IZUMO4: variants seen among roughly 807,000 people sequenced by gnomAD.
IZUMO4 encodes IZUMO family member 4, also known as izumo sperm-egg fusion protein 4.
A neutral mutation model predicts 37.1 loss-of-function variants in IZUMO4; 51 were observed. That is an observed-to-expected ratio of 1.38 (90% CI 1.10 to 1.74). The LOEUF (loss-of-function observed/expected upper bound fraction) is 1.74, where lower values mean the gene tolerates loss of function less well. Ranked by LOEUF, IZUMO4 falls within the 40% of genes most tolerant of loss-of-function variation. The pLI is 0.00. For synonymous variants in IZUMO4, 162 were observed against 121.4 expected (o/e 1.33, Z -2.20); for missense variants, 364 against 299.6 (o/e 1.21, Z -1.59).
At position 2,099,425 on chromosome 19, in the gene IZUMO4, C is replaced by T. The variant is rs1253978555; in HGVS notation, c.*80C>T. 1 of 910,126 alleles carries T rather than the reference C, an allele frequency of 1.1e-6. No individual in the cohort carries two copies. The highest frequency in any genetic ancestry group is 1.6e-6 in the Non-Finnish European group (1 of 611,042). The allele number at this position is 910,126 out of a possible 1,614,324, so 56.4% of individuals were successfully genotyped here. A position where few individuals can be genotyped will look rare whatever the true frequency, so the allele number is the denominator to read the frequency against. On this transcript the variant is annotated 3_prime_UTR_variant, in exon 10 of 10. Transcript: ENST00000395301. The stretch of plus-strand genomic sequence containing the variant: ...CCCTGCCTGTCACTCTGGAGCTGGG[C>T]TGCTGCTGCCTCAGGACCCCCTCTC...
rs781245478 is a variant in IZUMO4, at chr19:2,098,787, A to G, written c.537A>G (p.Lys179=). ...CTGACTGCCCCACATTGCCTTTCAG[A>G]CAGGACACGAGCATGAGGTAAGGCC... The part of the protein sequence containing the change: ...GLLNYINNWH[K]QDTSMRPRSS... The change falls in exon 8 of 10, where the codon AAA becomes AAG. Residue 179 remains lysine, a splice_region_variant and synonymous_variant. Transcript: ENST00000395301. The G allele has an allele frequency of 8.1e-6, 13 of 1,601,534 alleles. No individual in the cohort carries two copies. The highest frequency in any genetic ancestry group is 2.2e-5 in the South Asian group (2 of 89,916).
chr19:2,098,495 G>A (rs763429174), intron 7 of IZUMO4, 45 bp downstream of exon 7: 3 of 1,613,108 alleles, frequency 1.9e-6, no homozygotes, highest in Non-Finnish European at 2.5e-6. Context: ...GTGTATGTGA[G>A]CACCTCGTGG....
chr19:2,099,008 C>G lies in IZUMO4; in HGVS notation c.587C>G (p.Thr196Arg). 1 of 1,613,070 alleles carries G rather than the reference C, an allele frequency of 6.2e-7. No homozygotes were observed. Among genetic ancestry groups the G allele is most frequent in the Non-Finnish European group, 8.5e-7 (1 of 1,179,932 alleles). The change falls in exon 9 of 10, where the codon ACA (threonine) becomes AGA (arginine). Residue 196 changes from threonine (T) to arginine (R), a missense_variant. Physicochemically the swap from Thr to Arg is moderately conservative, Grantham distance 71. Transcript: ENST00000395301. ...PRSSAFSWPG[T>R]HRATPAFLVS... The stretch of plus-strand genomic sequence containing the variant: ...TCCTCTGCCTTCTCCTGGCCTGGGA[C>G]ACACAGAGCCACCCCGGCCTTGTGA...
chr19:2,098,427 T>C lies in IZUMO4; in HGVS notation c.522-9T>C. Reference sequence around the variant, plus strand: ...CGGCCTCCTGAGTCCAAACCCACTGTCTTTGTAGAAATAACTGGCACAAGT... The same window carrying C: ...CGGCCTCCTGAGTCCAAACCCACTGCCTTTGTAGAAATAACTGGCACAAGT... On this transcript the variant is annotated splice_polypyrimidine_tract_variant and intron_variant, in intron 6 of 9. Transcript: ENST00000395301. 1 of 1,613,924 alleles carries C rather than the reference T, an allele frequency of 6.2e-7. No individual in the cohort carries two copies. The highest frequency in any genetic ancestry group is 8.5e-7 in the Non-Finnish European group (1 of 1,180,010).
In IZUMO4 at chr19:2,099,381, GGA is replaced by G; in HGVS notation, c.*39_*40del. 6.8e-7 allele frequency: 1 copy of G among 1,460,388 alleles called. No homozygotes were observed. The allele number at this position is 1,460,388 out of a possible 1,614,324, so 90.5% of individuals were successfully genotyped here. On this transcript the variant is annotated 3_prime_UTR_variant, in exon 10 of 10. Coordinates refer to ENST00000395301, the MANE Select transcript of IZUMO4 (RefSeq NM_001039846.2). ...GCCTGCCCCAGGGCAACGTGGGGGC[GGA>G]GACTCAGCTGGACAGCCCCTGCCTG...
intron 6 of IZUMO4, 51 bp downstream of exon 6, chr19:2,098,385 C>T: frequency 6.2e-7 from 1 of 1,613,980 alleles, no homozygotes; most frequent in South Asian, 1.1e-5. Context: ...TGGGAGGGAA[C>T]ACTGGCCACG....
rs576043581 is a variant in IZUMO4 at position 2,098,862 on chromosome 19, G to A, written c.554+58G>A. On this transcript the variant is annotated intron_variant, in intron 8 of 9. Coordinates refer to ENST00000395301, the MANE Select transcript of IZUMO4 (RefSeq NM_001039846.2). ...GGGGGTAAAGGGAGAGAGGAGGGGG[G>A]CTAGGGGGTCCTCTAGATCAGTGGG... The A allele has an allele frequency of 4.3e-4, 654 of 1,526,034 alleles. 15 individuals carry two copies. In the South Asian group the frequency reaches 6.3e-3, roughly 15 times the overall value. 94.5% of individuals were successfully genotyped at this position (1,526,034 alleles called of 1,614,324 possible).
At position 2,096,926 on chromosome 19, in the gene IZUMO4, G is replaced by A; in HGVS notation, c.-20G>A. ...GCGCGAGCAGCGTCGTTGGTTGGCC[G>A]GCGGCGGGCCGGGACGGGCATGGCC... On this transcript the variant is annotated 5_prime_UTR_variant, in exon 1 of 10. Coordinates refer to ENST00000395301, the MANE Select transcript of IZUMO4 (RefSeq NM_001039846.2). The A allele has an allele frequency of 6.3e-7, 1 of 1,597,906 alleles. No homozygotes were observed. Among genetic ancestry groups the A allele is most frequent in the Non-Finnish European group, 8.5e-7 (1 of 1,176,144 alleles).
At position 2,097,939 on chromosome 19, in the gene IZUMO4, C is replaced by A; in HGVS notation, c.381C>A (p.Asp127Glu). 6.2e-7 allele frequency: 1 copy of A among 1,613,144 alleles called. No individual in the cohort carries two copies. Among genetic ancestry groups the A allele is most frequent in the Middle Eastern group, 1.7e-4 (1 of 6,060 alleles). Residue 127 changes from aspartate (D) to glutamate (E), a missense_variant, in exon 4 of 10, where the codon GAC becomes GAA. Physicochemically the swap from Asp to Glu is conservative, Grantham distance 45. Coordinates refer to ENST00000395301, the MANE Select transcript of IZUMO4 (RefSeq NM_001039846.2). ...IQNAIIESRI[D>E]CQHRCGIFQY... ...CCTGCCCTCCCACAGGCCGCATCGA[C>A]TGTCAGCACCGCTGTGGTAAGCAAG...
intron 5 of IZUMO4, 35 bp downstream of exon 5, chr19:2,098,162 G>A: frequency 1.2e-6 from 2 of 1,612,444 alleles, no homozygotes; most frequent in African/African-American, 1.3e-5. Context: ...CCGTGCCAGG[G>A]CCCTACTGTC....
At chr19:2,099,198 G>T in intron 9 of IZUMO4, 57 bp from the exon 10 acceptor site, 1 of 1,514,354 alleles carries the variant, frequency 6.6e-7, no homozygotes, top group Non-Finnish European at 9.2e-7. Flanking sequence ...GGGCCCCCAG[G>T]GAGGGAGGCA....
In IZUMO4 at chr19:2,098,307, C is replaced by G. The variant is rs911756205; in HGVS notation, c.494C>G (p.Ser165Ter). The change falls in exon 6 of 10, where the codon TCA (serine) becomes TGA (stop). Residue 165 changes from serine to a stop codon, truncating the protein, a stop_gained. Transcript: ENST00000395301. LOFTEE classifies it high-confidence loss of function. ...CACAGGTCCTCGGCGCAGTGGAAGT[C>G]AGCTGTCCAGGGCCTCCTGAACTAC... is the stretch of plus-strand genomic sequence containing the variant. ...YNCESSAQWKSAVQGLLNYIN... is the reference protein window; with the variant it reads ...YNCESSAQWK 1.2e-6 allele frequency: 2 copies of G among 1,613,816 alleles called. No homozygotes were observed. Among genetic ancestry groups the G allele is most frequent in the Non-Finnish European group, 1.7e-6 (2 of 1,180,030 alleles).
At chr19:2,097,991 G>A (rs373358701) in intron 4 of IZUMO4, 36 bp downstream of exon 4, 3 of 1,613,030 alleles carry the variant, frequency 1.9e-6, no homozygotes, top group South Asian at 2.2e-5. Context: ...GGGGCGTGCC[G>A]GTGGCAGCTC....
chr19:2,098,903 G>T, intron 8 of IZUMO4, 73 bp from the exon 9 acceptor site: 1 of 1,583,336 alleles, frequency 6.3e-7, no homozygotes, highest in South Asian at 1.1e-5. Context: ...TGCAGGTGGG[G>T]CTCTCCCTAT....
intron 4 of IZUMO4, 45 bp downstream of exon 4, chr19:2,098,000 T>C: frequency 6.2e-7 from 1 of 1,613,086 alleles, no homozygotes; most frequent in Non-Finnish European, 8.5e-7. Flanking sequence ...CGGTGGCAGC[T>C]CGGGGCCCTG....
chr19:2,098,004 G>A (rs1052596447), intron 4 of IZUMO4, 48 bp from the exon 5 acceptor site: 1 of 1,613,046 alleles, frequency 6.2e-7, no homozygotes, highest in Non-Finnish European at 8.5e-7. Context: ...GGCAGCTCGG[G>A]GCCCTGGAGG....
At chr19:2,098,880 T>G in intron 8 of IZUMO4, 76 bp downstream of exon 8, 4 of 1,524,534 alleles carry the variant, frequency 2.6e-6, no homozygotes, top group Non-Finnish European at 2.7e-6. Context: ...GTCCTCTAGA[T>G]CAGTGGGGGC....
chr19:2,098,042 C>G lies in IZUMO4; in HGVS notation c.398-10C>G. The G allele has an allele frequency of 1.2e-6, 2 of 1,613,320 alleles. No homozygotes were observed. The highest frequency in any genetic ancestry group is 3.3e-4 in the Middle Eastern group (2 of 6,062). ...GAGGGGAGCCCTGGCGGCTCTTGTA[C>G]GTGTTTCAGGCATCTTCCAGTACGA... On this transcript the variant is annotated splice_polypyrimidine_tract_variant and intron_variant, in intron 4 of 9. Transcript: ENST00000395301.
At position 2,097,096 on chromosome 19, in the gene IZUMO4, G is replaced by T; in HGVS notation, c.151G>T (p.Ala51Ser). The part of the protein sequence containing the change: ...WWVGDIPVSG[A>S]LLTDWSDDTM... ...GGTGGGCGACATCCCCGTGTCAGGGGCGCTGCTCACCGACTGGAGCGACGA... is the reference window on the plus strand; with the variant it reads ...GGTGGGCGACATCCCCGTGTCAGGGTCGCTGCTCACCGACTGGAGCGACGA... Residue 51 changes from alanine to serine, a missense_variant, in exon 1 of 10, where the codon GCG (alanine) becomes TCG (serine). Coordinates refer to ENST00000395301, the MANE Select transcript of IZUMO4 (RefSeq NM_001039846.2). The T allele has an allele frequency of 6.2e-7, 1 of 1,612,762 alleles. No individual in the cohort carries two copies. Among genetic ancestry groups the T allele is most frequent in the Non-Finnish European group, 8.5e-7 (1 of 1,179,918 alleles).
Sources: allele counts gnomAD v4.1 joint callset, GRCh38; gene constraint gnomAD v4.1.1; transcripts MANE v1.5; gene names NCBI Gene and HGNC (gene_info 2026-07-23, HGNC 2026-07-21).